The following MAGI1 variants were observed in gnomAD, a reference collection of about 807,000 sequenced individuals.
MAGI1 encodes the protein membrane associated guanylate kinase, WW and PDZ domain containing 1.
A neutral mutation model predicts 139.9 loss-of-function variants in MAGI1; 58 were observed. The observed-to-expected ratio is 0.41, with a 90% CI of 0.34 to 0.52. MAGI1 has a LOEUF of 0.52. MAGI1 is among the 20% of genes least tolerant of loss of function. The pLI, the probability that MAGI1 is intolerant of heterozygous loss-of-function variation, is 0.12. For synonymous variants in MAGI1, 812 were observed against 737.9 expected (o/e 1.10, Z -1.63); for missense variants, 1,874 against 1,901.6 (o/e 0.99, Z 0.27).
rs569571098 is a variant in MAGI1, at chr3:65,384,241, A to G, written c.2417-618T>C. On this transcript the variant is annotated intron_variant, in intron 14 of 22. Coordinates refer to ENST00000402939, the MANE Select transcript of MAGI1 (RefSeq NM_001033057.2). The stretch of plus-strand genomic sequence containing the variant: ...AAAACATCCTAGTATTTCTGCATAC[A>G]GTCAGTCCTCCATATCTGTGGGTTC... 2.0e-5 allele frequency among the ~76,000 whole-genome samples: 3 copies of G among 152,362 alleles called. No individual in the cohort carries two copies. The East Asian group carries it at 5.8e-4, about 29-fold the overall frequency.
chr3:65,993,548 C>T (rs1190778609), intron 1 of MAGI1, among the ~76,000 whole-genome samples: 1 of 152,196 alleles, frequency 6.6e-6, no homozygotes, highest in Non-Finnish European at 1.5e-5. Context: ...CTGTTCAAGC[C>T]TCCATGGACT....
chr3:65,864,550 C>A (rs1041292842), intron 1 of MAGI1, among the ~76,000 whole-genome samples: 9 of 152,232 alleles, frequency 5.9e-5, no homozygotes, highest in Non-Finnish European at 1.3e-4. Flanking sequence ...CACAGCTACA[C>A]TGGCCACATC....
intron 3 of MAGI1, among the ~76,000 whole-genome samples, chr3:65,489,983 C>T (rs946381036): frequency 6.6e-6 from 1 of 152,046 alleles, no homozygotes; most frequent in African/African-American, 2.4e-5. Flanking sequence ...CAGCAGAGGT[C>T]TGGAGAAAGC....
chr3:65,853,689 C>T (rs1336288041), intron 1 of MAGI1, among the ~76,000 whole-genome samples: 1 of 152,210 alleles, frequency 6.6e-6, no homozygotes, highest in Non-Finnish European at 1.5e-5. Context: ...AAAGCAGTCT[C>T]TATCCTCACA....
At chr3:65,869,148 G>A (rs577901610) in intron 1 of MAGI1, among the ~76,000 whole-genome samples, 4 of 144,864 alleles carry the variant, frequency 2.8e-5, no homozygotes, top group South Asian at 4.9e-4. Flanking sequence ...CCAGCTACTC[G>A]GAGAGGCAGA....
intron 1 of MAGI1, among the ~76,000 whole-genome samples, chr3:65,887,475 T>A (rs928527809): frequency 5.4e-4 from 81 of 150,898 alleles, no homozygotes; most frequent in African/African-American, 1.8e-3. Flanking sequence ...AATTCTGGGA[T>A]GTAAATTCAT....
chr3:65,859,293 A>G (rs1247003933), intron 1 of MAGI1, among the ~76,000 whole-genome samples: 1 of 151,670 alleles, frequency 6.6e-6, no homozygotes, highest in African/African-American at 2.4e-5. Flanking sequence ...GACTCCGTCT[A>G]CAAAAAAAAA....
intron 2 of MAGI1, among the ~76,000 whole-genome samples, chr3:65,530,034 G>A (rs534027031): frequency 6.6e-6 from 1 of 152,166 alleles, no homozygotes; most frequent in African/African-American, 2.4e-5. Context: ...ATGTGTGAGA[G>A]TGCCTAGCTA....
chr3:65,835,852 T>C (rs1222701789), intron 1 of MAGI1, among the ~76,000 whole-genome samples: 2 of 152,196 alleles, frequency 1.3e-5, no homozygotes, highest in East Asian at 3.9e-4. Context: ...GAAACCAGAA[T>C]GCAGCCCTTC....
chr3:66,027,141 G>C (rs952257615), intron 1 of MAGI1, among the ~76,000 whole-genome samples: 1 of 151,820 alleles, frequency 6.6e-6, no homozygotes, highest in African/African-American at 2.4e-5. Flanking sequence ...GGTGGCGGGT[G>C]CCTGTAGTCT....
intron 12 of MAGI1, among the ~76,000 whole-genome samples, chr3:65,423,382 G>GCACA (rs374242651): frequency 1.4e-5 from 2 of 141,124 alleles, no homozygotes; most frequent in Admixed American, 6.8e-5. Context: ...GTGCACACAC[G>GCACA]CGCACACACA....
chr3:65,591,866 G>A (rs1401786782), intron 2 of MAGI1, among the ~76,000 whole-genome samples: 1 of 152,036 alleles, frequency 6.6e-6, no homozygotes, highest in African/African-American at 2.4e-5. Context: ...GTGCTTATAT[G>A]TTACTTTTCC....
intron 1 of MAGI1, among the ~76,000 whole-genome samples, chr3:65,989,502 G>A (rs2066052480): frequency 6.6e-6 from 1 of 152,120 alleles, no homozygotes; most frequent in Non-Finnish European, 1.5e-5. Flanking sequence ...AGTGGTACGT[G>A]AGATGAATTT....
At chr3:66,000,972 A>C (rs533405969) in intron 1 of MAGI1, among the ~76,000 whole-genome samples, 1 of 152,374 alleles carries the variant, frequency 6.6e-6, no homozygotes, top group Admixed American at 6.5e-5. Flanking sequence ...GGCATGTATT[A>C]AGATATTATA....
At chr3:65,880,321 T>C (rs2060273855) in intron 1 of MAGI1, among the ~76,000 whole-genome samples, 1 of 152,038 alleles carries the variant, frequency 6.6e-6, no homozygotes, top group Non-Finnish European at 1.5e-5. Flanking sequence ...GTAGTAACAG[T>C]AGTGCTGGCA....
chr3:65,426,863 G>C (rs1267720982), intron 12 of MAGI1, among the ~76,000 whole-genome samples: 1 of 152,172 alleles, frequency 6.6e-6, no homozygotes, highest in East Asian at 1.9e-4. Context: ...TGATGTCACA[G>C]TGATTTTAAA....
intron 1 of MAGI1, among the ~76,000 whole-genome samples, chr3:65,979,382 T>G (rs890520454): frequency 6.6e-6 from 1 of 152,184 alleles, no homozygotes; most frequent in Non-Finnish European, 1.5e-5. Context: ...CAGGAGCAGT[T>G]GGCTGAAAGC....
intron 1 of MAGI1, among the ~76,000 whole-genome samples, chr3:65,629,058 A>G (rs192290519): frequency 1.1e-4 from 17 of 152,272 alleles, no homozygotes; most frequent in Admixed American, 6.5e-4. Context: ...TAATATAACT[A>G]AGTTGTGTCG....
At chr3:65,406,547 T>A (rs556175132) in intron 12 of MAGI1, among the ~76,000 whole-genome samples, 1 of 152,286 alleles carries the variant, frequency 6.6e-6, no homozygotes, top group East Asian at 1.9e-4. Flanking sequence ...CCCCTCTGCA[T>A]TTGGGTCTCC....
Sources: gnomAD v4.1 joint callset for allele counts (sites outside exome capture counted in the v4.1 genomes callset) on GRCh38, gnomAD v4.1.1 for gene constraint, MANE v1.5 for transcripts, NCBI Gene and HGNC (gene_info 2026-07-23, HGNC 2026-07-21) for gene names.